The following RCOR1 variants were observed in gnomAD, a reference collection of about 807,000 sequenced individuals.
RCOR1 encodes REST corepressor 1.
A neutral mutation model predicts 64.0 loss-of-function variants in RCOR1; 12 were observed. That is an observed-to-expected ratio of 0.19 (90% CI 0.12 to 0.30). The LOEUF (loss-of-function observed/expected upper bound fraction) is 0.30, where lower values mean the gene tolerates loss of function less well. RCOR1 is among the 10% of genes least tolerant of loss of function. The pLI, the probability that RCOR1 is intolerant of heterozygous loss-of-function variation, is 1.00. For missense variants in RCOR1, 502 were observed against 621.2 expected, an observed-to-expected ratio of 0.81 and a Z score of 2.04; for synonymous variants, 279 against 227.2, an observed-to-expected ratio of 1.23 and a Z score of -2.05.
intron 2 of RCOR1, among the ~76,000 whole-genome samples, chr14:102,665,406 G>T (rs1244354031): frequency 6.6e-6 from 1 of 151,608 alleles, no homozygotes; most frequent in Non-Finnish European, 1.5e-5. Context: ...TTTAAGGTAG[G>T]CTAGGCTATG....
At chr14:102,657,151 T>G in intron 2 of RCOR1, 11 of 984,320 alleles carry the variant, frequency 1.1e-5, no homozygotes, top group Non-Finnish European at 1.3e-5. Flanking sequence ...CCAAAACACA[T>G]AGGGTAGAAA....
intron 2 of RCOR1, among the ~76,000 whole-genome samples, chr14:102,628,925 C>G (rs529469677): frequency 1.4e-3 from 211 of 148,556 alleles, no homozygotes; most frequent in African/African-American, 5.1e-3. Context: ...CGGTCTCGCT[C>G]TGTCACCCAG....
chr14:102,624,819 C>T (rs1456064080), intron 2 of RCOR1, among the ~76,000 whole-genome samples: 1 of 151,940 alleles, frequency 6.6e-6, no homozygotes, highest in African/African-American at 2.4e-5. Flanking sequence ...CTTAATGGCC[C>T]CCTCTGGAAT....
In RCOR1 at chr14:102,710,935, C is replaced by T. The variant is rs199569390; in HGVS notation, c.780C>T (p.Ser260=). The part of the protein sequence containing the change: ...ARKQKREREE[S]EDELEEANGN... ...TCAGTAACTTGTTCTTGTCTTCCAG[C>T]GAGGATGAACTGGAAGAGGCAAATG... Residue 260 remains serine, a splice_region_variant and synonymous_variant, in exon 7 of 12, where the codon AGC becomes AGT. Transcript: ENST00000262241. The T allele has an allele frequency of 8.7e-5, 138 of 1,593,406 alleles. No homozygotes were observed. The highest frequency in any genetic ancestry group is 1.1e-4 in the Non-Finnish European group (126 of 1,170,334).
chr14:102,602,621 C>T (rs1169561933), intron 2 of RCOR1, among the ~76,000 whole-genome samples: 8 of 151,902 alleles, frequency 5.3e-5, no homozygotes, highest in Admixed American at 2.0e-4. Flanking sequence ...CTGGCCAGGC[C>T]GGTTTTGAAC....
At chr14:102,708,432 A>T in intron 5 of RCOR1, 33 bp from the exon 6 acceptor site, 1 of 1,206,312 alleles carries the variant, frequency 8.3e-7, no homozygotes, top group Admixed American at 1.7e-5. Flanking sequence ...TTACTTTTTT[A>T]TTTAAATAAA....
chr14:102,618,819 G>A (rs1478547296), intron 2 of RCOR1, among the ~76,000 whole-genome samples: 5 of 152,146 alleles, frequency 3.3e-5, no homozygotes, highest in Admixed American at 3.3e-4. Context: ...TGGTGGGATG[G>A]GGTGAGATGG....
chr14:102,665,529 A>G (rs1894902039), intron 2 of RCOR1, among the ~76,000 whole-genome samples: 1 of 152,182 alleles, frequency 6.6e-6, no homozygotes, highest in African/African-American at 2.4e-5. Flanking sequence ...TGTATGTACC[A>G]GGTACTTAAT....
intron 2 of RCOR1, 67 bp downstream of exon 2, chr14:102,593,392 A>AG (rs1203398061): frequency 9.9e-6 from 14 of 1,414,586 alleles, no homozygotes; most frequent in Non-Finnish European, 1.3e-5. Context: ...GGCGAGCCCG[A>AG]GGGGGCGGGA....
At chr14:102,699,216 CTTT>C (rs1038545519) in intron 3 of RCOR1, among the ~76,000 whole-genome samples, 1 of 152,292 alleles carries the variant, frequency 6.6e-6, no homozygotes, top group African/African-American at 2.4e-5. Context: ...ACCAGTTATA[CTTT>C]TGTGACAAGC....
intron 2 of RCOR1, 145 bp downstream of exon 2, chr14:102,593,470 G>A: frequency 2.2e-6 from 2 of 898,590 alleles, no homozygotes; most frequent in Non-Finnish European, 1.6e-6. Flanking sequence ...GGGCGAGGAC[G>A]AGGAGGCGCA....
At position 102,626,105 on chromosome 14, in the gene RCOR1, G is replaced by T. The variant is rs116029554; in HGVS notation, c.361+32780G>T. ...CCCTTCCAGCATCCCTGTGATCTTT[G>T]ACTCCATCATGACGTCAGTTCATTG... is the stretch of plus-strand genomic sequence containing the variant. On this transcript the variant is annotated intron_variant, in intron 2 of 11. Coordinates refer to ENST00000262241, the MANE Select transcript of RCOR1 (RefSeq NM_015156.4). Among the ~76,000 whole-genome samples the T allele has an allele frequency of 7.0e-3, 1,072 of 152,186 alleles. 16 individuals are homozygous for T. Among genetic ancestry groups the T allele is most frequent in the African/African-American group, 0.024 (1,012 of 41,502 alleles).
At chr14:102,608,474 G>A (rs1235303207) in intron 2 of RCOR1, among the ~76,000 whole-genome samples, 2 of 152,006 alleles carry the variant, frequency 1.3e-5, no homozygotes, top group East Asian at 1.9e-4. Flanking sequence ...TTGCTCTGTC[G>A]TCCAGGCTGA....
chr14:102,629,127 A>C (rs557095715), intron 2 of RCOR1, among the ~76,000 whole-genome samples: 9 of 151,916 alleles, frequency 5.9e-5, no homozygotes, highest in African/African-American at 2.2e-4. Flanking sequence ...GGGGCTTTGC[A>C]CTCATTCATC....
intron 2 of RCOR1, chr14:102,651,211 G>A (rs1894581291): frequency 4.0e-6 from 1 of 249,288 alleles, no homozygotes; most frequent in African/African-American, 2.3e-5. Context: ...TGGGAAATCA[G>A]GGGTCTCACA....
intron 2 of RCOR1, among the ~76,000 whole-genome samples, chr14:102,633,797 C>T (rs1371605168): frequency 6.6e-6 from 1 of 151,982 alleles, no homozygotes; most frequent in Non-Finnish European, 1.5e-5. Context: ...CCTCAGCCTC[C>T]CCAAGTGCTG....
Position 102,728,774 on chromosome 14 carries a change from TG to T in RCOR1, c.*2271del, listed in dbSNP as rs1440411023. On this transcript the variant is annotated 3_prime_UTR_variant, in exon 12 of 12. Transcript: ENST00000262241. ...TCACGTGTGATCACAGCAGCTGACC[TG>T]GGCTTTCTCCCCGAGAGGAAGGGGC... 1 of 152,202 alleles carries T rather than the reference TG, an allele frequency of 6.6e-6. No homozygotes were observed. The highest frequency in any genetic ancestry group is 1.5e-5 in the Non-Finnish European group (1 of 68,034). 9.4% of individuals were successfully genotyped at this position (152,202 alleles called of 1,614,324 possible).
At chr14:102,616,620 C>T (rs1329661714) in intron 2 of RCOR1, among the ~76,000 whole-genome samples, 1 of 152,108 alleles carries the variant, frequency 6.6e-6, no homozygotes, top group African/African-American at 2.4e-5. Context: ...TGAAGAGATA[C>T]ATATAGGGCC....
At chr14:102,617,704 C>T (rs745785285) in intron 2 of RCOR1, among the ~76,000 whole-genome samples, 58 of 151,532 alleles carry the variant, frequency 3.8e-4, no homozygotes, top group African/African-American at 9.0e-4. Flanking sequence ...ATTCTCCTGC[C>T]TCAGGCTCCC....
Sources: gnomAD v4.1 joint callset for allele counts (sites outside exome capture counted in the v4.1 genomes callset) on GRCh38, gnomAD v4.1.1 for gene constraint, MANE v1.5 for transcripts, NCBI Gene and HGNC (gene_info 2026-07-23, HGNC 2026-07-21) for gene names.